Variants in PHACTR1 observed in about 807,000 individuals in gnomAD.
The protein encoded by PHACTR1 is phosphatase and actin regulator 1.
A neutral mutation model predicts 69.2 loss-of-function variants in PHACTR1; 16 were observed. The observed-to-expected ratio is 0.23, with a 90% CI of 0.16 to 0.35. PHACTR1 has a LOEUF of 0.35. Ranked by LOEUF, PHACTR1 falls within the 10% of genes least tolerant of loss-of-function variation. PHACTR1 has a pLI of 1.00. For missense variants in PHACTR1, 510 were observed against 734.7 expected (o/e 0.69, Z 3.54); for synonymous variants, 312 against 284.5 (o/e 1.10, Z -0.97).
At chr6:13,078,904 A>G (rs779963457) in intron 5 of PHACTR1, among the ~76,000 whole-genome samples, 1 of 152,220 alleles carries the variant, frequency 6.6e-6, no homozygotes, top group South Asian at 2.1e-4. Flanking sequence ...CACCACATTC[A>G]GTTCCTATTA....
chr6:12,931,619 T>C (rs1370387244), intron 4 of PHACTR1, among the ~76,000 whole-genome samples: 1 of 152,066 alleles, frequency 6.6e-6, no homozygotes, highest in African/African-American at 2.4e-5. Flanking sequence ...AGATGATAAA[T>C]GGGATGACTG....
At chr6:12,972,754 C>T (rs767631891) in intron 4 of PHACTR1, among the ~76,000 whole-genome samples, 2 of 151,236 alleles carry the variant, frequency 1.3e-5, no homozygotes, top group Non-Finnish European at 2.9e-5. Flanking sequence ...TGGGTTCAAG[C>T]GATTCTCCTG....
intron 4 of PHACTR1, among the ~76,000 whole-genome samples, chr6:13,005,678 T>C (rs1158210612): frequency 6.6e-6 from 1 of 152,170 alleles, no homozygotes; most frequent in African/African-American, 2.4e-5. Flanking sequence ...TTGTTAGAAG[T>C]AGAGGTGTTC....
At chr6:13,195,205 T>C (rs151300090) in intron 7 of PHACTR1, among the ~76,000 whole-genome samples, 80 of 152,320 alleles carry the variant, frequency 5.3e-4, no homozygotes, top group African/African-American at 1.9e-3. Flanking sequence ...TTAGTGATGC[T>C]AGACTCTCAT....
At chr6:12,887,803 T>C (rs1783784242) in intron 4 of PHACTR1, among the ~76,000 whole-genome samples, 3 of 152,018 alleles carry the variant, frequency 2.0e-5, no homozygotes, top group African/African-American at 7.3e-5. Context: ...GCACGGTGTC[T>C]CACACCTGTA....
chr6:12,720,926 T>G (rs1196261739), intron 3 of PHACTR1, among the ~76,000 whole-genome samples: 2 of 152,230 alleles, frequency 1.3e-5, no homozygotes, highest in Non-Finnish European at 2.9e-5. Flanking sequence ...TGCAGGCTCC[T>G]CTGCAAAATG....
chr6:13,053,322 T>A, intron 4 of PHACTR1, 43 bp from the exon 5 acceptor site: 17 of 1,543,842 alleles, frequency 1.1e-5, no homozygotes, highest in Non-Finnish European at 1.5e-5. Flanking sequence ...TTTTAACACT[T>A]TTTTTCTCTC....
At chr6:13,030,294 C>T (rs886900773) in intron 4 of PHACTR1, among the ~76,000 whole-genome samples, 9 of 152,070 alleles carry the variant, frequency 5.9e-5, no homozygotes, top group Admixed American at 2.6e-4. Context: ...TAGTTCCTAC[C>T]AATGAGGATT....
At chr6:13,014,511 A>G (rs191202384) in intron 4 of PHACTR1, among the ~76,000 whole-genome samples, 43 of 152,202 alleles carry the variant, frequency 2.8e-4, no homozygotes, top group African/African-American at 9.6e-4. Flanking sequence ...CCGTCCTCCT[A>G]TTATGATGGG....
rs183661272 is a variant in PHACTR1 at position 13,071,149 on chromosome 6, G to A, written c.415+17620G>A. Among the ~76,000 whole-genome samples the A allele has an allele frequency of 2.0e-3, 299 of 152,122 alleles. 2 individuals carry two copies. Among genetic ancestry groups the A allele is most frequent in the African/African-American group, 6.6e-3 (274 of 41,522 alleles). On this transcript the variant is annotated intron_variant, in intron 5 of 14. Coordinates refer to ENST00000332995, the MANE Select transcript of PHACTR1 (RefSeq NM_030948.6). ...CGCATGAATGAAAGAAAGTTGTGCC[G>A]GGTGCAGTGGCTCGTGCCTGTAATC...
intron 7 of PHACTR1, among the ~76,000 whole-genome samples, chr6:13,186,135 G>T (rs1051732856): frequency 2.0e-5 from 3 of 152,094 alleles, no homozygotes; most frequent in African/African-American, 7.2e-5. Flanking sequence ...TCCATCAAAC[G>T]GAACCATCTA....
intron 3 of PHACTR1, among the ~76,000 whole-genome samples, chr6:12,735,089 A>T (rs1764060231): frequency 6.6e-6 from 1 of 152,184 alleles, no homozygotes; most frequent in Admixed American, 6.5e-5. Flanking sequence ...GTCTGAGGTG[A>T]CAGTCACGAG....
In PHACTR1 at chr6:13,073,738, G is replaced by T. The variant is rs143157818; in HGVS notation, c.415+20209G>T. 2.1e-3 allele frequency among the ~76,000 whole-genome samples: 315 copies of T among 152,224 alleles called. 2 individuals carry two copies. The highest frequency in any genetic ancestry group is 7.5e-3 in the African/African-American group (310 of 41,546). ...TGAGACAAGAGGAATAAACCATTGA[G>T]AGAAGTGACATAGATGGGACCAGAT... On this transcript the variant is annotated intron_variant, in intron 5 of 14. Coordinates refer to ENST00000332995, the MANE Select transcript of PHACTR1 (RefSeq NM_030948.6).
intron 7 of PHACTR1, chr6:13,184,852 C>T: frequency 2.2e-6 from 3 of 1,366,598 alleles, no homozygotes; most frequent in Non-Finnish European, 2.9e-6. Flanking sequence ...GTCCCAAGAT[C>T]CTTCAGCCAA....
chr6:12,944,609 C>A (rs1023789652), intron 4 of PHACTR1, among the ~76,000 whole-genome samples: 1 of 152,082 alleles, frequency 6.6e-6, no homozygotes, highest in Non-Finnish European at 1.5e-5. Flanking sequence ...ATATCTGTCC[C>A]CCTAAAATAA....
chr6:13,054,495 T>C (rs368790301), intron 5 of PHACTR1, among the ~76,000 whole-genome samples: 75 of 152,298 alleles, frequency 4.9e-4, no homozygotes, highest in African/African-American at 1.8e-3. Flanking sequence ...CTGGAAGTCC[T>C]AGATCAAGTT....
At chr6:13,202,609 C>G (rs1247723594) in intron 7 of PHACTR1, among the ~76,000 whole-genome samples, 1 of 151,898 alleles carries the variant, frequency 6.6e-6, no homozygotes, top group African/African-American at 2.4e-5. Flanking sequence ...TCCCAAGTAG[C>G]TGGGATTACA....
At chr6:13,188,281 A>G (rs981194898) in intron 7 of PHACTR1, among the ~76,000 whole-genome samples, 27 of 152,236 alleles carry the variant, frequency 1.8e-4, no homozygotes. Context: ...CTTAATTTTT[A>G]TAAGTGAGCA....
chr6:12,860,670 CT>C (rs1468545655), intron 4 of PHACTR1, among the ~76,000 whole-genome samples: 4 of 152,170 alleles, frequency 2.6e-5, no homozygotes, highest in Non-Finnish European at 5.9e-5. Context: ...TGTTTCCTGA[CT>C]TTTTAATGAT....
Sources: allele counts gnomAD v4.1 joint callset (sites outside exome capture counted in the v4.1 genomes callset), GRCh38; gene constraint gnomAD v4.1.1; transcripts MANE v1.5; gene names NCBI Gene and HGNC (gene_info 2026-07-23, HGNC 2026-07-21).